The following BANK1 variants were observed in gnomAD, a reference collection of about 807,000 sequenced individuals.
The protein encoded by BANK1 is B-cell scaffold protein with ankyrin repeats.
Under a neutral mutation model 94.5 loss-of-function variants are expected in BANK1, and 95 were observed. The ratio of observed to expected loss-of-function variants is 1.00; its 90% CI spans 0.85 to 1.19. The LOEUF (loss-of-function observed/expected upper bound fraction) is 1.19. Ranked by LOEUF, BANK1 falls within the 50% of genes most tolerant of loss-of-function variation. BANK1 has a pLI of 0.00. For synonymous variants in BANK1, 334 were observed against 308.4 expected (o/e 1.08, Z -0.87); for missense variants, 987 against 932.2 (o/e 1.06, Z -0.77).
At chr4:101,936,432 A>C (rs141851658) in intron 7 of BANK1, among the ~76,000 whole-genome samples, 2 of 150,322 alleles carry the variant, frequency 1.3e-5, no homozygotes, top group African/African-American at 4.9e-5. Context: ...TGCATGTATA[A>C]GATGTATACA....
intron 7 of BANK1, among the ~76,000 whole-genome samples, chr4:101,974,080 A>G (rs1725046315): frequency 6.6e-6 from 1 of 152,256 alleles, no homozygotes; most frequent in East Asian, 1.9e-4. Context: ...TATTGTCTCA[A>G]GGAGAAAAAG....
chr4:102,011,927 A>G (rs1193576677), intron 7 of BANK1, among the ~76,000 whole-genome samples: 2 of 152,156 alleles, frequency 1.3e-5, no homozygotes, highest in African/African-American at 4.8e-5. Context: ...AGTTCAGTGA[A>G]ACATAAAGGC....
intron 1 of BANK1, among the ~76,000 whole-genome samples, chr4:101,797,857 T>C (rs1245581330): frequency 4.6e-5 from 7 of 152,152 alleles, no homozygotes; most frequent in African/African-American, 1.7e-4. Context: ...AGACTGGAGA[T>C]ATAAAATTAA....
At chr4:102,060,437 C>G in intron 12 of BANK1, 48 bp downstream of exon 12, 2 of 1,544,188 alleles carry the variant, frequency 1.3e-6, no homozygotes, top group Non-Finnish European at 1.7e-6. Flanking sequence ...CTTGTGGAGC[C>G]CCTAGTTTGT....
At chr4:101,992,671 A>G (rs1466163583) in intron 7 of BANK1, among the ~76,000 whole-genome samples, 1 of 152,182 alleles carries the variant, frequency 6.6e-6, no homozygotes, top group Non-Finnish European at 1.5e-5. Context: ...ACCTGGCTTC[A>G]TTTAAATTGC....
At chr4:102,055,374 C>T (rs1245653154) in intron 11 of BANK1, among the ~76,000 whole-genome samples, 1 of 151,892 alleles carries the variant, frequency 6.6e-6, no homozygotes, top group Non-Finnish European at 1.5e-5. Context: ...AATTTCTCAA[C>T]ATTATCAGAA....
At chr4:102,012,432 G>C (rs1192034674) in intron 7 of BANK1, among the ~76,000 whole-genome samples, 1 of 152,036 alleles carries the variant, frequency 6.6e-6, no homozygotes, top group Admixed American at 6.5e-5. Context: ...TTGGAAGGGA[G>C]GGATTATTCC....
Position 102,015,002 on chromosome 4 carries a change from T to G in BANK1, c.1207-6512T>G, listed in dbSNP as rs539653036. On this transcript the variant is annotated intron_variant, in intron 7 of 16. Coordinates refer to ENST00000322953, the MANE Select transcript of BANK1 (RefSeq NM_017935.5). Reference sequence around the variant, plus strand: ...TCATCTTTCTGACTATCTCTGACATTTTTCTATCTTTCTTGTTTTCTTTTT... The same window carrying G: ...TCATCTTTCTGACTATCTCTGACATGTTTCTATCTTTCTTGTTTTCTTTTT... 2.0e-5 allele frequency among the ~76,000 whole-genome samples: 3 copies of G among 151,058 alleles called. No homozygotes were observed. In the South Asian group the frequency reaches 6.2e-4, roughly 31 times the overall value.
intron 2 of BANK1, among the ~76,000 whole-genome samples, chr4:101,834,704 A>G (rs74477084): frequency 6.6e-6 from 1 of 152,144 alleles, no homozygotes; most frequent in Non-Finnish European, 1.5e-5. Context: ...TCCCTTTTCT[A>G]TTTTTCCTCA....
At chr4:102,003,873 G>A (rs950050978) in intron 7 of BANK1, among the ~76,000 whole-genome samples, 15 of 150,022 alleles carry the variant, frequency 1.0e-4, no homozygotes, top group Non-Finnish European at 3.0e-5. Context: ...TATATTTCAT[G>A]TTCATATATG....
intron 7 of BANK1, among the ~76,000 whole-genome samples, chr4:101,955,629 C>T (rs1217157269): frequency 6.6e-6 from 1 of 152,142 alleles, no homozygotes; most frequent in Non-Finnish European, 1.5e-5. Flanking sequence ...CGGTTTCTTG[C>T]TCAGGGGAAA....
intron 7 of BANK1, among the ~76,000 whole-genome samples, chr4:102,011,242 A>C (rs1305884683): frequency 6.6e-6 from 1 of 152,252 alleles, no homozygotes; most frequent in East Asian, 1.9e-4. Flanking sequence ...AAGTTTGCTT[A>C]AGGCATTCAC....
rs769635459 is a variant in BANK1 at position 101,843,793 on chromosome 4, G to A, written c.470-11242G>A. ...AAAGATTAGCTGGGCGTGCTGGCACGCACCTGTAATGCCAGCTACTTGGGA... is the reference window on the plus strand; with the variant it reads ...AAAGATTAGCTGGGCGTGCTGGCACACACCTGTAATGCCAGCTACTTGGGA... On this transcript the variant is annotated intron_variant, in intron 2 of 16. Transcript: ENST00000322953. Among the ~76,000 whole-genome samples, 50 of 152,130 alleles carry A rather than the reference G, an allele frequency of 3.3e-4. 1 individual carries two copies. The highest frequency in any genetic ancestry group is 4.1e-4 in the South Asian group (2 of 4,820).
intron 13 of BANK1, among the ~76,000 whole-genome samples, chr4:102,067,704 C>CA (rs1330546879): frequency 6.6e-6 from 1 of 151,954 alleles, no homozygotes; most frequent in East Asian, 1.9e-4. Flanking sequence ...TGACAGCACT[C>CA]AGAGATGTTT....
chr4:101,996,722 C>T (rs1185407439), intron 7 of BANK1, among the ~76,000 whole-genome samples: 1 of 152,102 alleles, frequency 6.6e-6, no homozygotes, highest in Non-Finnish European at 1.5e-5. Context: ...CATGATTTTG[C>T]TCTCTGTTTG....
At chr4:101,870,320 G>C (rs867136204) in intron 4 of BANK1, among the ~76,000 whole-genome samples, 185 bp from the exon 5 acceptor site, 2 of 152,020 alleles carry the variant, frequency 1.3e-5, no homozygotes, top group Middle Eastern at 3.4e-3. Context: ...AAGCAAATAA[G>C]TCTAAAATTG....
chr4:101,930,286 T>A (rs1723296308), intron 7 of BANK1, among the ~76,000 whole-genome samples: 1 of 151,284 alleles, frequency 6.6e-6, no homozygotes, highest in African/African-American at 2.4e-5. Context: ...TGTGTATATA[T>A]GAATATATAT....
intron 6 of BANK1, among the ~76,000 whole-genome samples, chr4:101,907,061 A>G (rs1722479995): frequency 6.6e-6 from 1 of 152,210 alleles, no homozygotes; most frequent in Non-Finnish European, 1.5e-5. Flanking sequence ...AATTAAAAGT[A>G]TCCCTTATGG....
At chr4:101,966,873 G>C (rs1023588416) in intron 7 of BANK1, among the ~76,000 whole-genome samples, 6 of 151,996 alleles carry the variant, frequency 3.9e-5, no homozygotes, top group African/African-American at 1.4e-4. Context: ...CACCCAAGGA[G>C]GCTGCTGAAT....
Sources: gnomAD v4.1 joint callset for allele counts (sites outside exome capture counted in the v4.1 genomes callset) on GRCh38, gnomAD v4.1.1 for gene constraint, MANE v1.5 for transcripts, NCBI Gene and HGNC (gene_info 2026-07-23, HGNC 2026-07-21) for gene names.